The following NEBL variants were observed in gnomAD, a reference collection of about 807,000 sequenced individuals.
The protein encoded by NEBL is nebulette, also known as LIM and SH3 protein 2.
NEBL carries 122 observed loss-of-function variants against 140.2 expected under a neutral mutation model. That is an observed-to-expected ratio of 0.87 (90% CI 0.75 to 1.01). The LOEUF is 1.01. Among genes scored for constraint, NEBL ranks in the 50% least tolerant of loss-of-function variants. The pLI is 0.00. For missense variants in NEBL, 1,365 were observed against 1,231.3 expected (o/e 1.11, Z -1.62); for synonymous variants, 436 against 398.9 (o/e 1.09, Z -1.11).
exon 1 of NEBL, chr10:21,174,124 C>G: frequency 1.4e-6 from 1 of 719,110 alleles, no homozygotes; most frequent in Non-Finnish European, 1.7e-6. Flanking sequence ...GTGACTCACA[C>G]AGTCACTCGC....
chr10:21,066,971 C>T (rs1370865292), intron 2 of NEBL, among the ~76,000 whole-genome samples: 1 of 112,816 alleles, frequency 8.9e-6, no homozygotes, highest in African/African-American at 3.2e-5. Context: ...AATAATTTAA[C>T]TTTTTTTTTT....
intron 1 of NEBL, among the ~76,000 whole-genome samples, chr10:21,263,934 C>T (rs1842769539): frequency 6.6e-6 from 1 of 152,140 alleles, no homozygotes; most frequent in Admixed American, 6.6e-5. Context: ...CATTGCACTC[C>T]AGCCTGGGCA....
chr10:21,037,970 T>G (rs1834085228), intron 2 of NEBL, among the ~76,000 whole-genome samples: 1 of 152,138 alleles, frequency 6.6e-6, no homozygotes, highest in South Asian at 2.1e-4. Flanking sequence ...AAAAATGTCT[T>G]CATAAGACAT....
chr10:21,111,899 A>G (rs997845422), intron 2 of NEBL, among the ~76,000 whole-genome samples: 1 of 152,184 alleles, frequency 6.6e-6, no homozygotes, highest in Non-Finnish European at 1.5e-5. Context: ...ACCAGAAAAA[A>G]AACAAACAAC....
rs3831100 is a variant in NEBL at position 20,852,511 on chromosome 10, AG to A, written c.1008+33del. On this transcript the variant is annotated intron_variant, in intron 10 of 27. Transcript: ENST00000377122. ...CTCAGGATGGTTACGGGTTGCTGGCAGGGAGGGTAGGTACCGTACGGGCAAG... is the reference window on the plus strand; with the variant it reads ...CTCAGGATGGTTACGGGTTGCTGGCAGGAGGGTAGGTACCGTACGGGCAAG... 0.26 allele frequency: 383,542 copies of A among 1,484,990 alleles called. 51,723 individuals carry two copies. The highest frequency in any genetic ancestry group is 0.42 in the East Asian group (18,663 of 44,178). The allele number at this position is 1,484,990 out of a possible 1,614,324, so 92.0% of individuals were successfully genotyped here.
intron 4 of NEBL, 151 bp downstream of exon 4, chr10:20,887,946 G>A: frequency 1.5e-6 from 1 of 671,168 alleles, no homozygotes; most frequent in South Asian, 1.7e-5. Context: ...AATTTCAACA[G>A]CAACTACTGA....
chr10:20,916,556 A>G (rs1848566063), intron 4 of NEBL, among the ~76,000 whole-genome samples: 1 of 151,998 alleles, frequency 6.6e-6, no homozygotes, highest in South Asian at 2.1e-4. Context: ...ACAGGCATGC[A>G]CCACTACCAC....
intron 1 of NEBL, among the ~76,000 whole-genome samples, chr10:21,255,115 G>A (rs1842639328): frequency 6.6e-6 from 1 of 152,094 alleles, no homozygotes; most frequent in South Asian, 2.1e-4. Context: ...TCTGAAGATG[G>A]TTCGCCCAGG....
chr10:21,216,437 C>T (rs1016380182), intron 3 of NEBL, among the ~76,000 whole-genome samples: 2 of 152,022 alleles, frequency 1.3e-5, no homozygotes, highest in Non-Finnish European at 2.9e-5. Context: ...GGGAAGATCA[C>T]GAGGTCCGGA....
intron 9 of NEBL, among the ~76,000 whole-genome samples, chr10:20,857,645 C>T (rs1386720129): frequency 2.6e-5 from 4 of 152,058 alleles, no homozygotes; most frequent in African/African-American, 7.2e-5. Flanking sequence ...CAGCATTCAG[C>T]GTAGTGAGAG....
At chr10:20,884,221 T>C (rs375648906) in intron 4 of NEBL, among the ~76,000 whole-genome samples, 22 of 152,242 alleles carry the variant, frequency 1.4e-4, no homozygotes, top group African/African-American at 4.1e-4. Context: ...GTTTCACTTA[T>C]AGATTTTTTT....
At chr10:21,010,159 C>A (rs1341636866) in intron 3 of NEBL, among the ~76,000 whole-genome samples, 1 of 152,104 alleles carries the variant, frequency 6.6e-6, no homozygotes, top group Non-Finnish European at 1.5e-5. Context: ...AATGGGATTG[C>A]TTTAGATCAG....
At chr10:21,282,025 C>T (rs1461773249) in intron 1 of NEBL, among the ~76,000 whole-genome samples, 1 of 152,212 alleles carries the variant, frequency 6.6e-6, no homozygotes, top group Non-Finnish European at 1.5e-5. Flanking sequence ...AACCATTCCT[C>T]CAGCCTACCA....
chr10:20,826,364 T>G, intron 18 of NEBL, 83 bp downstream of exon 18: 1 of 1,040,042 alleles, frequency 9.6e-7, no homozygotes, highest in East Asian at 2.4e-5. Flanking sequence ...AAAAAAGCCA[T>G]CAGTTGAGTA....
At chr10:20,826,608 A>G in intron 17 of NEBL, 69 bp from the exon 18 acceptor site, 1 of 1,191,110 alleles carries the variant, frequency 8.4e-7, no homozygotes, top group South Asian at 1.2e-5. Flanking sequence ...CGCTTCTTAG[A>G]AAGACAATTT....
At chr10:21,248,262 T>A (rs982622852) in intron 2 of NEBL, among the ~76,000 whole-genome samples, 6 of 151,342 alleles carry the variant, frequency 4.0e-5, no homozygotes, top group Non-Finnish European at 8.8e-5. Flanking sequence ...TCTGTAGAGA[T>A]GAGGTCTCAC....
At position 21,167,465 on chromosome 10, in the gene NEBL, G is replaced by A. The variant is rs1840827561; in HGVS notation, c.164+4918C>T. The stretch of plus-strand genomic sequence containing the variant: ...AATGTTCTGGGGAAATTATTGGCAA[G>A]GTCATGTTAAACTATTGCGTCGTTC... On this transcript the variant is annotated intron_variant, in intron 2 of 6. Transcript: ENST00000417816. Among the ~76,000 whole-genome samples, 4 of 152,168 alleles carry A rather than the reference G, an allele frequency of 2.6e-5. No individual in the cohort carries two copies. In the South Asian group the frequency reaches 8.3e-4, roughly 32 times the overall value.
chr10:20,841,082 T>C (rs1410865477), intron 12 of NEBL, among the ~76,000 whole-genome samples: 1 of 152,108 alleles, frequency 6.6e-6, no homozygotes, highest in Non-Finnish European at 1.5e-5. Context: ...TCTGTCAATA[T>C]GTTTTGGTAC....
chr10:20,952,642 C>A (rs894298256), intron 4 of NEBL, among the ~76,000 whole-genome samples: 1 of 151,830 alleles, frequency 6.6e-6, no homozygotes, highest in African/African-American at 2.4e-5. Flanking sequence ...CAGTGGCTCA[C>A]GCCTGTAATC....
Sources: allele counts gnomAD v4.1 joint callset (sites outside exome capture counted in the v4.1 genomes callset), GRCh38; gene constraint gnomAD v4.1.1; transcripts MANE v1.5; gene names NCBI Gene and HGNC (gene_info 2026-07-23, HGNC 2026-07-21).